The following PPP2R5C variants were observed in gnomAD, a reference collection of about 807,000 sequenced individuals.
PPP2R5C encodes the protein protein phosphatase 2 regulatory subunit B'gamma.
A neutral mutation model predicts 68.9 loss-of-function variants in PPP2R5C; 7 were observed. The ratio of observed to expected loss-of-function variants is 0.10; its 90% confidence interval spans 0.06 to 0.19. The LOEUF (loss-of-function observed/expected upper bound fraction) is 0.19, where lower values mean the gene tolerates loss of function less well. PPP2R5C is among the 10% of genes least tolerant of loss of function. PPP2R5C has a pLI of 1.00. For missense variants in PPP2R5C, 348 were observed against 641.3 expected (o/e 0.54, Z 4.94); for synonymous variants, 210 against 222.2 (o/e 0.95, Z 0.49).
exon 14 of PPP2R5C, chr14:101,927,710 T>A (rs935701124): frequency 6.6e-6 from 1 of 152,654 alleles, no homozygotes; most frequent in Non-Finnish European, 1.5e-5. Flanking sequence ...ATGTCCTATG[T>A]ACAGAATAAA....
At chr14:101,919,810 A>T (rs1413965512) in intron 13 of PPP2R5C, among the ~76,000 whole-genome samples, 1 of 152,090 alleles carries the variant, frequency 6.6e-6, no homozygotes, top group African/African-American at 2.4e-5. Flanking sequence ...TCTACTAAAA[A>T]ATACAAAAAT....
intron 3 of PPP2R5C, among the ~76,000 whole-genome samples, chr14:101,801,991 GC>G (rs1273019719): frequency 3.9e-5 from 6 of 152,192 alleles, no homozygotes; most frequent in Admixed American, 2.6e-4. Flanking sequence ...ATAAAGATGA[GC>G]CCAGAAACAA....
At chr14:101,766,614 CA>C (rs1482233179) in intron 2 of PPP2R5C, 1 of 152,170 alleles carries the variant, frequency 6.6e-6, no homozygotes, top group Admixed American at 6.5e-5. Context: ...TCTTCTCTTT[CA>C]GATAGAATGG....
chr14:101,883,189 C>A, intron 3 of PPP2R5C, 68 bp from the exon 6 acceptor site: 2 of 1,103,700 alleles, frequency 1.8e-6, no homozygotes, highest in Non-Finnish European at 2.6e-6. Context: ...GATTCAATTT[C>A]TGGTATATTT....
intron 1 of PPP2R5C, among the ~76,000 whole-genome samples, chr14:101,833,227 G>T (rs921398287): frequency 1.2e-4 from 18 of 152,224 alleles, no homozygotes; most frequent in Non-Finnish European, 2.2e-4. Context: ...GGGCGCCTAG[G>T]TCCGCCCCTC....
At chr14:101,761,427 G>A (rs965420488), upstream of PPP2R5C, among the ~76,000 whole-genome samples, 4 of 151,700 alleles carry the variant, frequency 2.6e-5, no homozygotes, top group East Asian at 1.9e-4. Context: ...AGGAGGCCGC[G>A]GCCTGCCTGA....
chr14:101,841,796 G>A (rs192509910), intron 1 of PPP2R5C, among the ~76,000 whole-genome samples: 14 of 152,370 alleles, frequency 9.2e-5, no homozygotes, highest in Admixed American at 3.9e-4. Flanking sequence ...AGGTCAGGGA[G>A]CAGGGCTCCA....
intron 1 of PPP2R5C, among the ~76,000 whole-genome samples, chr14:101,827,958 CT>C (rs894044526): frequency 6.6e-5 from 10 of 151,880 alleles, no homozygotes; most frequent in Non-Finnish European, 7.4e-5. Flanking sequence ...TTTGTAGGAT[CT>C]TTTTTTTACT....
In PPP2R5C at chr14:101,886,417, G is replaced by A. The variant is rs563245313; in HGVS notation, c.629+2855G>A. Among the ~76,000 whole-genome samples, 344 of 152,222 alleles carry A rather than the reference G, an allele frequency of 2.3e-3. 1 individual carries two copies. The highest frequency in any genetic ancestry group is 3.6e-3 in the Non-Finnish European group (245 of 68,024). ...ACTAAAGGCTTGGTGCTAGAATATGGCATTTGTGTCTGTGTGCATGCTTTT... is the reference window on the plus strand; with the variant it reads ...ACTAAAGGCTTGGTGCTAGAATATGACATTTGTGTCTGTGTGCATGCTTTT... On this transcript the variant is annotated intron_variant, in intron 5 of 13. Transcript: ENST00000334743.
chr14:101,799,764 T>C (rs1486845270), intron 3 of PPP2R5C, among the ~76,000 whole-genome samples: 1 of 152,172 alleles, frequency 6.6e-6, no homozygotes, highest in African/African-American at 2.4e-5. Flanking sequence ...CTCTAATCTG[T>C]GTTGGTTCCA....
intron 2 of PPP2R5C, among the ~76,000 whole-genome samples, chr14:101,772,650 G>C (rs1358933807): frequency 1.3e-5 from 2 of 151,936 alleles, no homozygotes; most frequent in Non-Finnish European, 2.9e-5. Context: ...TTTTTTAAAA[G>C]CCGAGTGTGG....
Position 101,909,584 on chromosome 14 carries a change from T to C in PPP2R5C, c.1152-5T>C. The stretch of plus-strand genomic sequence containing the variant: ...CCCAGGCTCACCGTGCGGTTTTCTT[T>C]ATAGGACAATACATGGCTTGATATA... On this transcript the variant is annotated splice_region_variant and splice_polypyrimidine_tract_variant and intron_variant, in intron 10 of 13. Transcript: ENST00000334743. The C allele has an allele frequency of 6.3e-7, 1 of 1,597,296 alleles. No individual in the cohort carries two copies. The highest frequency in any genetic ancestry group is 8.6e-7 in the Non-Finnish European group (1 of 1,165,384).
At chr14:101,803,729 C>CAA (rs934819668) in intron 3 of PPP2R5C, among the ~76,000 whole-genome samples, 2 of 108,738 alleles carry the variant, frequency 1.8e-5, no homozygotes, top group Non-Finnish European at 2.0e-5. Flanking sequence ...GACTCCATCT[C>CAA]AAAAAAAAAA....
intron 11 of PPP2R5C, among the ~76,000 whole-genome samples, chr14:101,911,248 T>C (rs940090476): frequency 1.3e-5 from 2 of 152,192 alleles, no homozygotes; most frequent in South Asian, 4.1e-4. Context: ...CACTCCAGCC[T>C]GGGCGACAGA....
chr14:101,903,472 G>T (rs946229880), intron 9 of PPP2R5C, among the ~76,000 whole-genome samples: 17 of 152,172 alleles, frequency 1.1e-4, no homozygotes, highest in African/African-American at 4.1e-4. Context: ...AGGGCGGCCT[G>T]CCATGCCTCT....
At chr14:101,864,978 T>C (rs2042968666) in intron 2 of PPP2R5C, among the ~76,000 whole-genome samples, 1 of 152,166 alleles carries the variant, frequency 6.6e-6, no homozygotes, top group Non-Finnish European at 1.5e-5. Flanking sequence ...GCGGCTTTGA[T>C]GGCAGAGAGA....
chr14:101,836,539 A>G, intron 1 of PPP2R5C: 1 of 568,402 alleles, frequency 1.8e-6, no homozygotes, highest in Non-Finnish European at 3.1e-6. Flanking sequence ...TTTAGACAAA[A>G]TAAATTTCTT....
At chr14:101,761,969 G>A (rs1435264910) in intron 1 of PPP2R5C, 49 bp downstream of exon 1, 4 of 1,184,170 alleles carry the variant, frequency 3.4e-6, no homozygotes, top group Non-Finnish European at 4.2e-6. Flanking sequence ...AGGGACTGCC[G>A]GGGGAGGGCG....
upstream of PPP2R5C, among the ~76,000 whole-genome samples, chr14:101,807,900 C>T (rs2039137170): frequency 6.7e-6 from 1 of 150,288 alleles, no homozygotes; most frequent in Non-Finnish European, 1.5e-5. Flanking sequence ...TTTCTGTATT[C>T]CCACTCATCA....
Sources: gnomAD v4.1 joint callset for allele counts (sites outside exome capture counted in the v4.1 genomes callset) on GRCh38, gnomAD v4.1.1 for gene constraint, MANE v1.5 for transcripts, NCBI Gene and HGNC (gene_info 2026-07-23, HGNC 2026-07-21) for gene names.